PCDHGB4: variants seen among roughly 807,000 people sequenced by gnomAD.
The protein encoded by PCDHGB4 is protocadherin gamma-B4.
Under a neutral mutation model 60.5 loss-of-function variants are expected in PCDHGB4, and 38 were observed. The observed-to-expected ratio is 0.63, with a 90% CI of 0.48 to 0.82. The LOEUF is 0.82. Among genes scored for constraint, PCDHGB4 ranks in the 40% least tolerant of loss-of-function variants. The pLI, the probability that PCDHGB4 is intolerant of heterozygous loss-of-function variation, is 0.00. For synonymous variants in PCDHGB4, 456 were observed against 509.7 expected, an observed-to-expected ratio of 0.89 and a Z score of 1.42; for missense variants, 1,109 against 1,209.6, an observed-to-expected ratio of 0.92 and a Z score of 1.23.
rs1227487225 is a variant in PCDHGB4, at chr5:141,491,275, G to C, written c.2398-3532G>C. The C allele has an allele frequency of 2.5e-6, 4 of 1,614,082 alleles. 1 individual carries two copies. In the South Asian group the frequency reaches 4.4e-5, roughly 18 times the overall value. On this transcript the variant is annotated intron_variant, in intron 1 of 3. Transcript: ENST00000519479. This position sits in a 1 kb window ranked among gnomAD's most constrained non-coding sequence, Gnocchi z 6.9. Reference sequence around the variant, plus strand: ...CCCTGAGGAAATGCCCAAATCCAGTGACTTCCTCATACACCCTCCTGAGCG... The same window carrying C: ...CCCTGAGGAAATGCCCAAATCCAGTCACTTCCTCATACACCCTCCTGAGCG...
At position 141,487,362 on chromosome 5, in the gene PCDHGB4, C is replaced by T; in HGVS notation, c.2398-7445C>T. On this transcript the variant is annotated intron_variant, in intron 1 of 3. Transcript: ENST00000519479. The surrounding 1 kb of genome is among the most constrained non-coding windows in gnomAD (Gnocchi z 5.0). The stretch of plus-strand genomic sequence containing the variant: ...GGAGTCACATGCTTTCCTGCTGGCA[C>T]CTGTGCCTGTCTCACCAGATCTCGA... 3 of 1,614,200 alleles carry T rather than the reference C, an allele frequency of 1.9e-6. No homozygotes were observed. Among genetic ancestry groups the T allele is most frequent in the Non-Finnish European group, 2.5e-6 (3 of 1,180,044 alleles).
At chr5:141,467,728 C>A (rs2099150053) in intron 1 of PCDHGB4, among the ~76,000 whole-genome samples, 1 of 152,058 alleles carries the variant, frequency 6.6e-6, no homozygotes, top group Admixed American at 6.5e-5. Context: ...GTGGCACAAT[C>A]CCAGCTCGCT....
At chr5:141,438,571 TATACATACATAC>T (rs1212381177) in intron 1 of PCDHGB4, among the ~76,000 whole-genome samples, 4 of 94,544 alleles carry the variant, frequency 4.2e-5, no homozygotes, top group African/African-American at 9.7e-5. Context: ...AGCTGTCTGA[TATACATACATAC>T]ATACATACAT....
intron 1 of PCDHGB4, among the ~76,000 whole-genome samples, chr5:141,449,264 C>T (rs2098633342): frequency 6.6e-6 from 1 of 152,056 alleles, no homozygotes; most frequent in African/African-American, 2.4e-5. Flanking sequence ...GTACAAAGAA[C>T]TGTATCTCCT....
intron 1 of PCDHGB4, among the ~76,000 whole-genome samples, chr5:141,479,817 A>T (rs773702225): frequency 6.6e-6 from 1 of 152,230 alleles, no homozygotes; most frequent in Non-Finnish European, 1.5e-5. Flanking sequence ...CAAGGATACT[A>T]TCCAAGGCAT....
intron 1 of PCDHGB4, chr5:141,427,176 G>A (rs777424789): frequency 2.2e-6 from 1 of 456,742 alleles, no homozygotes; most frequent in Non-Finnish European, 4.4e-6. Context: ...TCAAAATGGG[G>A]AAATTAAATC....
chr5:141,500,554 C>A (rs2099801320), intron 2 of PCDHGB4, among the ~76,000 whole-genome samples: 1 of 152,212 alleles, frequency 6.6e-6, no homozygotes, highest in Admixed American at 6.5e-5. Context: ...AAGTTGTTCA[C>A]AAACTTGTCA....
rs774487660 is a variant in PCDHGB4, at chr5:141,404,806, G to C, written c.2397+14525G>C. 6 of 1,613,874 alleles carry C rather than the reference G, an allele frequency of 3.7e-6. No individual in the cohort carries two copies. In the South Asian group the frequency reaches 5.5e-5, roughly 15 times the overall value. On this transcript the variant is annotated intron_variant, in intron 1 of 3. Transcript: ENST00000519479. ...AGGCCAGTGAGCCAGGGCTCTTCTCGGTGGGGCTGCACACAGGTGAAGTGC... is the reference window on the plus strand; with the variant it reads ...AGGCCAGTGAGCCAGGGCTCTTCTCCGTGGGGCTGCACACAGGTGAAGTGC...
chr5:141,437,262 G>A (rs1490690532), intron 1 of PCDHGB4, among the ~76,000 whole-genome samples: 1 of 152,152 alleles, frequency 6.6e-6, no homozygotes, highest in Non-Finnish European at 1.5e-5. Flanking sequence ...CTTTTTATGT[G>A]TATGACAGAT....
At chr5:141,408,558 T>A (rs748858215) in intron 1 of PCDHGB4, 48 of 1,613,898 alleles carry the variant, frequency 3.0e-5, no homozygotes, top group Non-Finnish European at 5.9e-6. Context: ...ATTTTTCATG[T>A]CATTGTGGTG....
chr5:141,469,370 A>T (rs1453825795), intron 1 of PCDHGB4, among the ~76,000 whole-genome samples: 1 of 152,106 alleles, frequency 6.6e-6, no homozygotes, highest in Non-Finnish European at 1.5e-5. Flanking sequence ...AGGTAAAGAG[A>T]TCGAGACCAT....
At chr5:141,405,330 T>C (rs750658260) in intron 1 of PCDHGB4, 1 of 1,614,206 alleles carries the variant, frequency 6.2e-7, no homozygotes, top group East Asian at 2.2e-5. Context: ...CCTTTGTGCG[T>C]CTCTGTTGAT....
Position 141,477,443 on chromosome 5 carries a change from G to C in PCDHGB4, c.2398-17364G>C. The C allele has an allele frequency of 6.2e-7, 1 of 1,614,136 alleles. No individual in the cohort carries two copies. Among genetic ancestry groups the C allele is most frequent in the Non-Finnish European group, 8.5e-7 (1 of 1,180,024 alleles). ...CCCTTCCCTCTCAGCCCTTACAATA[G>C]TGCGTGTTCAAGTGTCCGACATCAA... On this transcript the variant is annotated intron_variant, in intron 1 of 3. Coordinates refer to ENST00000519479, the MANE Select transcript of PCDHGB4 (RefSeq NM_003736.4). This position sits in a 1 kb window ranked among gnomAD's most constrained non-coding sequence, Gnocchi z 4.9.
In PCDHGB4 at chr5:141,502,866, C is replaced by CTTTTTTTTTTTTTTTTT. The variant is rs549047197; in HGVS notation, c.2457-2513_2457-2512insTTTTTTTTTTTTTTTTT. Among the ~76,000 whole-genome samples the CTTTTTTTTTTTTTTTTT allele has an allele frequency of 3.1e-5, 4 of 128,046 alleles. 1 individual carries two copies. 84.0% of individuals were successfully genotyped at this position (128,046 alleles called of 152,430 possible). A position where few individuals can be genotyped will look rare whatever the true frequency, so the allele number is the denominator to read the frequency against. ...GAGCTGCCTAACCCTGACTCTCTGTCTTTTTTTTTTTTTTGACAGGGAGTC... is the reference window on the plus strand; with the variant it reads ...GAGCTGCCTAACCCTGACTCTCTGTCTTTTTTTTTTTTTTTTTTTTTTTTTTTTTTTGACAGGGAGTC... On this transcript the variant is annotated intron_variant, in intron 2 of 3. Transcript: ENST00000519479.
At chr5:141,452,887 C>T (rs1000136303) in intron 1 of PCDHGB4, among the ~76,000 whole-genome samples, 1 of 152,174 alleles carries the variant, frequency 6.6e-6, no homozygotes, top group Non-Finnish European at 1.5e-5. Flanking sequence ...ATAATTTATT[C>T]CACTTTTATT....
In PCDHGB4 at chr5:141,511,532, T is replaced by G. The variant is rs548369303; in HGVS notation, c.*359T>G. Reference sequence around the variant, plus strand: ...GCCCATCCATCCCATGCCTCCCTCCTCCCCACCCCACTCCAACAGTTCCTC... The same window carrying G: ...GCCCATCCATCCCATGCCTCCCTCCGCCCCACCCCACTCCAACAGTTCCTC... On this transcript the variant is annotated 3_prime_UTR_variant, in exon 4 of 4. Transcript: ENST00000519479. 3.6e-5 allele frequency: 12 copies of G among 335,506 alleles called. No homozygotes were observed. In the East Asian group the frequency reaches 8.0e-4, roughly 22 times the overall value. The allele number at this position is 335,506 out of a possible 1,614,324, so 20.8% of individuals were successfully genotyped here. A position where few individuals can be genotyped will look rare whatever the true frequency, so the allele number is the denominator to read the frequency against.
chr5:141,439,790 C>G (rs2098131627), intron 1 of PCDHGB4: 2 of 152,248 alleles, frequency 1.3e-5, no homozygotes, highest in Non-Finnish European at 2.9e-5. Flanking sequence ...TTCTATAATC[C>G]AAGAAGAGTT....
chr5:141,392,844 G>C lies in PCDHGB4; in HGVS notation c.2397+2563G>C, dbSNP rs201895231. On this transcript the variant is annotated intron_variant, in intron 1 of 3. Coordinates refer to ENST00000519479, the MANE Select transcript of PCDHGB4 (RefSeq NM_003736.4). ...CGCTCCACAGAGTCGCCCCAGACGCGGCGAGCTGATCCTGCTGTGCGCGCT... is the reference window on the plus strand; with the variant it reads ...CGCTCCACAGAGTCGCCCCAGACGCCGCGAGCTGATCCTGCTGTGCGCGCT... 32 of 1,609,468 alleles carry C rather than the reference G, an allele frequency of 2.0e-5. No homozygotes were observed. The highest frequency in any genetic ancestry group is 2.5e-5 in the Non-Finnish European group (29 of 1,177,978).
At chr5:141,427,228 T>C (rs2097002884) in intron 1 of PCDHGB4, 1 of 456,550 alleles carries the variant, frequency 2.2e-6, no homozygotes, top group South Asian at 1.5e-5. Context: ...AGTTATACCA[T>C]GAGAGTAGAA....
Sources: allele counts gnomAD v4.1 joint callset (sites outside exome capture counted in the v4.1 genomes callset), GRCh38; gene constraint gnomAD v4.1.1; non-coding constraint Gnocchi (gnomAD v3.1); transcripts MANE v1.5; gene names NCBI Gene and HGNC (gene_info 2026-07-23, HGNC 2026-07-21).